UBFD1: variants seen among roughly 807,000 people sequenced by gnomAD.
The protein encoded by UBFD1 is ubiquitin family domain containing 1.
In UBFD1, 12 loss-of-function variants were observed where a neutral mutation model predicts 35.1. That is an observed-to-expected ratio of 0.34 (90% confidence interval 0.22 to 0.55). The LOEUF (loss-of-function observed/expected upper bound fraction) is 0.55. Among genes scored for constraint, UBFD1 ranks in the 20% least tolerant of loss-of-function variants. The pLI, the probability that UBFD1 is intolerant of heterozygous loss-of-function variation, is 0.89. For missense variants in UBFD1, 337 were observed against 410.8 expected (o/e 0.82, Z 1.55); for synonymous variants, 178 against 167.6 (o/e 1.06, Z -0.48).
Position 23,572,472 on chromosome 16 carries a change from A to G in UBFD1, c.*1882A>G, listed in dbSNP as rs12934450. The G allele has an allele frequency of 0.011, 1,605 of 152,748 alleles. 16 individuals are homozygous for G. Among genetic ancestry groups the G allele is most frequent in the South Asian group, 0.018 (89 of 4,830 alleles). The allele number at this position is 152,748 out of a possible 1,614,324, so 9.5% of individuals were successfully genotyped here. A position where few individuals can be genotyped will look rare whatever the true frequency, so the allele number is the denominator to read the frequency against. On this transcript the variant is annotated 3_prime_UTR_variant, in exon 7 of 7. Coordinates refer to ENST00000395878, the MANE Select transcript of UBFD1 (RefSeq NM_019116.3). ...CAGACATTGCCCCTTTTGTTTGCCA[A>G]TGCCCCAGTCCTAGAGACTTGTCCT... is the stretch of plus-strand genomic sequence containing the variant.
intron 3 of UBFD1, among the ~76,000 whole-genome samples, chr16:23,560,504 C>T (rs1373787004): frequency 6.6e-6 from 1 of 152,126 alleles, no homozygotes. Flanking sequence ...TGACCATAGA[C>T]ACTAAGATAT....
rs781726179 is a variant in UBFD1 at position 23,558,227 on chromosome 16, C to T, written c.303C>T (p.Phe101=). 8 of 1,609,564 alleles carry T rather than the reference C, an allele frequency of 5.0e-6. No individual in the cohort carries two copies. The East Asian group carries it at 1.4e-4, about 27-fold the overall frequency. ...IWNKTKHDVK[F]PLDSTGSELK... is the part of the protein sequence containing the mutation. ...ATAAGACCAAGCATGACGTGAAGTT[C>T]CCCCTGGACAGCACAGGCTCCGAGC... Residue 101 remains phenylalanine, a synonymous_variant, in exon 2 of 7, where the codon TTC becomes TTT. Coordinates refer to ENST00000395878, the MANE Select transcript of UBFD1 (RefSeq NM_019116.3).
rs1965930049 is a variant in UBFD1, at chr16:23,561,320, A to G, written c.565-886A>G. 2.0e-5 allele frequency among the ~76,000 whole-genome samples: 3 copies of G among 152,194 alleles called. 1 individual carries two copies. The highest frequency in any genetic ancestry group is 2.0e-4 in the Admixed American group (3 of 15,282). On this transcript the variant is annotated intron_variant, in intron 3 of 6. Transcript: ENST00000395878. ...GCTGGCTTGTGGCTGCCTAGTGCTT[A>G]CATTTGATTAAATTGTTACCTTCTA...
rs1209394584 is a variant in UBFD1 at position 23,571,185 on chromosome 16, T to C, written c.*595T>C. Reference sequence around the variant, plus strand: ...AGTTTTTGTTTTAAGAACCCAAAGATGTCAGTTCTTCTTTTGGTACCTCAT... The same window carrying C: ...AGTTTTTGTTTTAAGAACCCAAAGACGTCAGTTCTTCTTTTGGTACCTCAT... On this transcript the variant is annotated 3_prime_UTR_variant, in exon 7 of 7. Coordinates refer to ENST00000395878, the MANE Select transcript of UBFD1 (RefSeq NM_019116.3). The C allele has an allele frequency of 6.5e-6, 1 of 152,678 alleles. No homozygotes were observed. The highest frequency in any genetic ancestry group is 1.5e-5 in the Non-Finnish European group (1 of 68,052). The allele number at this position is 152,678 out of a possible 1,614,324, so 9.5% of individuals were successfully genotyped here. A position where few individuals can be genotyped will look rare whatever the true frequency, so the allele number is the denominator to read the frequency against.
chr16:23,562,343 C>A (rs982223737), intron 4 of UBFD1, 72 bp downstream of exon 4: 25 of 1,385,628 alleles, frequency 1.8e-5, no homozygotes, highest in Non-Finnish European at 2.5e-5. Flanking sequence ...TTCCTCCAAT[C>A]CTGTCCCTTC....
intron 3 of UBFD1, chr16:23,561,557 A>C (rs1202062046): frequency 6.6e-6 from 1 of 152,238 alleles, no homozygotes; most frequent in Non-Finnish European, 1.5e-5. Context: ...GTTATAGAGT[A>C]ATAAGCATTT....
chr16:23,561,163 T>G (rs1296027761), intron 3 of UBFD1, among the ~76,000 whole-genome samples: 1 of 152,230 alleles, frequency 6.6e-6, no homozygotes, highest in Non-Finnish European at 1.5e-5. Flanking sequence ...ATGAGAGGGA[T>G]ATAGTCCCTT....
At chr16:23,559,760 T>A in intron 3 of UBFD1, 84 bp downstream of exon 3, 2 of 1,579,012 alleles carry the variant, frequency 1.3e-6, no homozygotes, top group African/African-American at 2.7e-5. Context: ...CTCCCTAGAA[T>A]AAGCTCCTTT....
intron 5 of UBFD1, chr16:23,566,377 T>C (rs1165556397): frequency 6.6e-6 from 1 of 152,120 alleles, no homozygotes; most frequent in Non-Finnish European, 1.5e-5. Context: ...TTTTTTTTTG[T>C]TGAGATGGAG....
chr16:23,560,127 C>G (rs1393923165), intron 3 of UBFD1, among the ~76,000 whole-genome samples: 1 of 152,102 alleles, frequency 6.6e-6, no homozygotes, highest in Non-Finnish European at 1.5e-5. Flanking sequence ...CTGACCGTTT[C>G]AGGAAGCTAA....
intron 3 of UBFD1, among the ~76,000 whole-genome samples, chr16:23,561,339 C>T (rs761605818): frequency 6.6e-6 from 1 of 152,198 alleles, no homozygotes; most frequent in African/African-American, 2.4e-5. Context: ...TAAATTGTTA[C>T]CTTCTATCCA....
At chr16:23,557,884 C>T in intron 1 of UBFD1, 66 bp from the exon 2 acceptor site, 3 of 1,268,798 alleles carry the variant, frequency 2.4e-6, no homozygotes, top group Non-Finnish European at 2.0e-6. Flanking sequence ...GGTCCGGCGG[C>T]GCCCGGACAG....
rs189117081 is a variant in UBFD1 at position 23,571,411 on chromosome 16, G to C, written c.*821G>C. 189 of 152,512 alleles carry C rather than the reference G, an allele frequency of 1.2e-3. No homozygotes were observed. Among genetic ancestry groups the C allele is most frequent in the African/African-American group, 4.4e-3 (183 of 41,578 alleles). 9.4% of individuals were successfully genotyped at this position (152,512 alleles called of 1,614,324 possible). A position where few individuals can be genotyped will look rare whatever the true frequency, so the allele number is the denominator to read the frequency against. On this transcript the variant is annotated 3_prime_UTR_variant, in exon 7 of 7. Transcript: ENST00000395878. ...CCATCTCCAAGGAGTTCCATTGCTG[G>C]TTGGATGATTGTCTGCACCCCTCAC...
rs1162516469 is a variant in UBFD1, at chr16:23,558,172, G to C, written c.248G>C (p.Arg83Thr). 3 of 1,606,434 alleles carry C rather than the reference G, an allele frequency of 1.9e-6. No individual in the cohort carries two copies. The highest frequency in any genetic ancestry group is 1.7e-5 in the Admixed American group (1 of 59,098). ...NGEDAGGGAG[R>T]ELVDLKIIWN... is the part of the protein sequence containing the mutation. ...GAAGACGCGGGCGGCGGCGCGGGCA[G>C]GGAGCTGGTGGACTTGAAGATCATC... Residue 83 changes from arginine (R) to threonine (T), a missense_variant, in exon 2 of 7, where the codon AGG (arginine) becomes ACG (threonine). By Grantham distance (71) the Arg-to-Thr change is moderately conservative (BLOSUM62 -1). Transcript: ENST00000395878.
At chr16:23,566,366 A>G (rs576970810) in intron 5 of UBFD1, 12 of 150,912 alleles carry the variant, frequency 8.0e-5, no homozygotes, top group African/African-American at 2.4e-4. Context: ...TTTATTTTAT[A>G]TTTTTTTTTG....
chr16:23,569,096 T>C (rs1026079591), intron 6 of UBFD1: 1 of 152,200 alleles, frequency 6.6e-6, no homozygotes, highest in African/African-American at 2.4e-5. Context: ...AGGATAGCTC[T>C]AGTAGTCCCC....
Position 23,558,157 on chromosome 16 carries a change from G to A in UBFD1, c.233G>A (p.Gly78Asp), listed in dbSNP as rs1468423072. Residue 78 changes from glycine (G) to aspartate (D), a missense_variant, in exon 2 of 7, where the codon GGC becomes GAC. Gly to Asp is a moderately conservative substitution (Grantham distance 94, BLOSUM62 -1). This residue lies in a region of UBFD1 where 198 missense variants were observed against 168.4 expected (regional missense o/e 1.18). Transcript: ENST00000395878. ...TCGGTCAGCAACGGCGAAGACGCGG[G>A]CGGCGGCGCGGGCAGGGAGCTGGTG... Reference protein sequence around the residue: ...QASVSNGEDAGGGAGRELVDL... With the variant: ...QASVSNGEDADGGAGRELVDL... 7 of 1,605,430 alleles carry A rather than the reference G, an allele frequency of 4.4e-6. No individual in the cohort carries two copies. The highest frequency in any genetic ancestry group is 2.7e-5 in the African/African-American group (2 of 74,140).
At chr16:23,559,822 T>C in intron 3 of UBFD1, 146 bp downstream of exon 3, 1 of 1,541,966 alleles carries the variant, frequency 6.5e-7, no homozygotes, top group Non-Finnish European at 8.7e-7. Context: ...TGCCGCAGAG[T>C]GGAGGTGACA....
intron 2 of UBFD1, 99 bp from the exon 3 acceptor site, chr16:23,559,369 A>G (rs963769155): frequency 4.1e-6 from 4 of 982,490 alleles, no homozygotes; most frequent in African/African-American, 3.3e-5. Flanking sequence ...TGGTGGAGGC[A>G]GTATTCACTT....
Sources: allele counts gnomAD v4.1 joint callset (sites outside exome capture counted in the v4.1 genomes callset), GRCh38; gene constraint gnomAD v4.1.1; regional missense constraint gnomAD v4.1.1; transcripts MANE v1.5; gene names NCBI Gene and HGNC (gene_info 2026-07-23, HGNC 2026-07-21).